The following LRBA variants were observed in gnomAD, a reference collection of about 807,000 sequenced individuals.
The protein encoded by LRBA is lipopolysaccharide-responsive and beige-like anchor protein.
LRBA carries 176 observed loss-of-function variants against 330.0 expected under a neutral mutation model. The observed-to-expected ratio is 0.53, with a 90% CI of 0.47 to 0.60. The LOEUF is 0.60. Among genes scored for constraint, LRBA ranks in the 20% least tolerant of loss-of-function variants. The pLI is 0.00. For synonymous variants in LRBA, 1,230 were observed against 1,193.0 expected (o/e 1.03, Z -0.64); for missense variants, 3,259 against 3,444.8 (o/e 0.95, Z 1.35).
chr4:150,464,458 A>G (rs1462230908), intron 44 of LRBA, among the ~76,000 whole-genome samples: 1 of 152,148 alleles, frequency 6.6e-6, no homozygotes, highest in East Asian at 1.9e-4. Flanking sequence ...AAACTAATAC[A>G]GTCCTCATTT....
chr4:150,460,942 G>A (rs1754700197), intron 44 of LRBA, among the ~76,000 whole-genome samples: 2 of 151,652 alleles, frequency 1.3e-5, no homozygotes, highest in Admixed American at 1.3e-4. Context: ...CACATCTTCA[G>A]AAACTAGCAG....
At chr4:150,827,990 T>A (rs1303078868) in intron 30 of LRBA, among the ~76,000 whole-genome samples, 190 bp downstream of exon 30, 1 of 152,130 alleles carries the variant, frequency 6.6e-6, no homozygotes, top group Admixed American at 6.6e-5. Flanking sequence ...ACAATCAAAA[T>A]ATGTGTGAAT....
At chr4:150,973,311 G>A (rs572415223) in intron 2 of LRBA, among the ~76,000 whole-genome samples, 1 of 152,212 alleles carries the variant, frequency 6.6e-6, no homozygotes, top group South Asian at 2.1e-4. Context: ...GGGATTACAG[G>A]CATGCGCCAC....
intron 40 of LRBA, chr4:150,581,315 C>T (rs775961556): frequency 1.0e-4 from 46 of 445,222 alleles, no homozygotes; most frequent in Non-Finnish European, 1.9e-4. Context: ...TATAAACCCT[C>T]ACCTTATATC....
At chr4:150,543,833 A>G (rs1394194128) in intron 40 of LRBA, among the ~76,000 whole-genome samples, 1 of 152,146 alleles carries the variant, frequency 6.6e-6, no homozygotes, top group African/African-American at 2.4e-5. Context: ...CTCAACAAAT[A>G]CCAGTCATTT....
chr4:150,323,239 C>T (rs1488130234), intron 49 of LRBA, among the ~76,000 whole-genome samples: 1 of 151,872 alleles, frequency 6.6e-6, no homozygotes, highest in African/African-American at 2.4e-5. Context: ...TAAAGAAGTC[C>T]TGGGAAAAGG....
rs373309477 is a variant in LRBA, at chr4:150,286,283, A to G, written c.8018-249T>C. On this transcript the variant is annotated intron_variant, in intron 53 of 56. Coordinates refer to ENST00000651943, the MANE Select transcript of LRBA (RefSeq NM_001364905.1). ...AATGGTTGAAAACTCAGGGTTAAAT[A>G]CAACAAAATCTGCATTCCAAAATGC... 2.4e-4 allele frequency among the ~76,000 whole-genome samples: 37 copies of G among 152,356 alleles called. 1 individual carries two copies. The South Asian group carries it at 4.1e-3, about 17-fold the overall frequency.
rs1195366614 is a variant in LRBA at position 150,805,585 on chromosome 4, GGAAAGGAAAGGAAAGGAAAA to G, written c.5518+666_5518+685del. Among the ~76,000 whole-genome samples, 470 of 117,116 alleles carry G rather than the reference GGAAAGGAAAGGAAAGGAAAA, an allele frequency of 4.0e-3. 7 individuals are homozygous for G. Among genetic ancestry groups the G allele is most frequent in the African/African-American group, 0.016 (428 of 27,214 alleles). 76.8% of individuals were successfully genotyped at this position (117,116 alleles called of 152,430 possible). On this transcript the variant is annotated intron_variant, in intron 33 of 56. Coordinates refer to ENST00000651943, the MANE Select transcript of LRBA (RefSeq NM_001364905.1). ...GGAAAGGAAAGGAAAGGAAAGGAAAGGAAAGGAAAGGAAAGGAAAAGAAAGGAAAGGAAAGGAAAGGAGAA... is the reference window on the plus strand; with the variant it reads ...GGAAAGGAAAGGAAAGGAAAGGAAAGGAAAGGAAAGGAAAGGAAAGGAGAA...
intron 44 of LRBA, 131 bp from the exon 45 acceptor site, chr4:150,436,995 C>T: frequency 1.3e-6 from 1 of 791,974 alleles, no homozygotes; most frequent in South Asian, 1.7e-5. Flanking sequence ...TAAGCTGCAA[C>T]ACAGTATCAT....
intron 30 of LRBA, among the ~76,000 whole-genome samples, chr4:150,825,526 G>A (rs183760823): frequency 1.1e-4 from 16 of 152,108 alleles, no homozygotes; most frequent in African/African-American, 3.1e-4. Flanking sequence ...GCCACCACGC[G>A]TAGATAATTT....
intron 47 of LRBA, among the ~76,000 whole-genome samples, chr4:150,359,593 T>C: frequency 6.6e-6 from 1 of 152,330 alleles, no homozygotes; most frequent in East Asian, 1.9e-4. Flanking sequence ...TTAGTATTAA[T>C]ATTTTGGACT....
intron 40 of LRBA, among the ~76,000 whole-genome samples, chr4:150,506,960 G>A (rs1438187084): frequency 2.0e-5 from 3 of 151,946 alleles, no homozygotes; most frequent in Non-Finnish European, 4.4e-5. Context: ...CAAATCATGA[G>A]TGAACTCCCA....
intron 35 of LRBA, among the ~76,000 whole-genome samples, chr4:150,761,326 T>C (rs532147976): frequency 6.6e-6 from 1 of 152,116 alleles, no homozygotes; most frequent in Admixed American, 6.6e-5. Context: ...GTTCTTTAAG[T>C]AGAAAATATA....
intron 37 of LRBA, among the ~76,000 whole-genome samples, chr4:150,655,279 G>A (rs758629800): frequency 1.3e-5 from 2 of 152,150 alleles, no homozygotes; most frequent in Admixed American, 6.5e-5. Flanking sequence ...TTTCTACCTT[G>A]TTTTGTTCAT....
chr4:150,537,111 TG>T (rs1447338641), intron 40 of LRBA, among the ~76,000 whole-genome samples: 4 of 152,190 alleles, frequency 2.6e-5, no homozygotes, highest in African/African-American at 9.7e-5. Flanking sequence ...CAAAACAGCA[TG>T]ATACTGGTAC....
At chr4:150,885,643 T>G (rs763252353) in intron 17 of LRBA, among the ~76,000 whole-genome samples, 2 of 151,280 alleles carry the variant, frequency 1.3e-5, no homozygotes, top group Admixed American at 1.3e-4. Flanking sequence ...GAATCACAAC[T>G]AAACAAACCA....
At chr4:151,015,663 C>T (rs890232036), upstream of LRBA, 4 of 152,240 alleles carry the variant, frequency 2.6e-5, no homozygotes, top group African/African-American at 9.6e-5. Flanking sequence ...CGCCCCGCCA[C>T]GGGTCGCGCG....
In LRBA at chr4:150,505,307, CA is replaced by C. The variant is rs1760902755; in HGVS notation, c.6331-14273del. Among the ~76,000 whole-genome samples the C allele has an allele frequency of 5.3e-5, 8 of 152,160 alleles. No homozygotes were observed. The South Asian group carries it at 1.7e-3, about 32-fold the overall frequency. On this transcript the variant is annotated intron_variant, in intron 40 of 56. Coordinates refer to ENST00000651943, the MANE Select transcript of LRBA (RefSeq NM_001364905.1). ...TTTCAGCACCACACCACACCTATTC[CA>C]AAATTGACCACATAGTTGGAAGTAA...
At chr4:150,690,299 C>T (rs184329774) in intron 36 of LRBA, among the ~76,000 whole-genome samples, 261 of 151,934 alleles carry the variant, frequency 1.7e-3, no homozygotes, top group Non-Finnish European at 2.9e-3. Context: ...GTCAGGAGAT[C>T]GAGACCACCC....
Sources: allele counts gnomAD v4.1 joint callset (sites outside exome capture counted in the v4.1 genomes callset), GRCh38; gene constraint gnomAD v4.1.1; transcripts MANE v1.5; gene names NCBI Gene and HGNC (gene_info 2026-07-23, HGNC 2026-07-21).